The following ABCB4 variants were observed in gnomAD, a reference collection of about 807,000 sequenced individuals.
The protein encoded by ABCB4 is ATP binding cassette subfamily B member 4, also known as phosphatidylcholine translocator ABCB4.
Under a neutral mutation model 145.7 loss-of-function variants are expected in ABCB4, and 76 were observed. The ratio of observed to expected loss-of-function variants is 0.52; its 90% CI spans 0.43 to 0.63. The LOEUF (loss-of-function observed/expected upper bound fraction) is 0.63. Among genes scored for constraint, ABCB4 ranks in the 30% least tolerant of loss-of-function variants. The pLI is 0.00. For missense variants in ABCB4, 1,234 were observed against 1,553.1 expected, an observed-to-expected ratio of 0.79 and a Z score of 3.45; for synonymous variants, 517 against 566.8, an observed-to-expected ratio of 0.91 and a Z score of 1.25.
chr7:87,392,324 C>G, the ABCB4 span, among the ~76,000 whole-genome samples: 2 of 152,092 alleles, frequency 1.3e-5, no homozygotes, highest in Non-Finnish European at 2.9e-5. Context: ...GTTAGTGTCA[C>G]TTCAGTGCTG....
At chr7:87,395,554 T>A in the ABCB4 span, among the ~76,000 whole-genome samples, 1 of 152,342 alleles carries the variant, frequency 6.6e-6, no homozygotes, top group Non-Finnish European at 1.5e-5. Flanking sequence ...TGATCAGGAC[T>A]GCCTTTGTCT....
In ABCB4 at chr7:87,462,510, T is replaced by C. The variant is rs2302385; in HGVS notation, c.286+248A>G. On this transcript the variant is annotated intron_variant, in intron 4 of 27. Transcript: ENST00000649586. ...CAAGTAGAGTGACTTCCTTACTTTA[T>C]TTAGAAGCTTCCTGTGTATTTCCTT... Among the ~76,000 whole-genome samples the C allele has an allele frequency of 0.19, 28,351 of 152,152 alleles. 3,011 individuals carry two copies. Among genetic ancestry groups the C allele is most frequent in the African/African-American group, 0.29 (12,083 of 41,480 alleles).
At chr7:87,466,023 C>T (rs1584789390) in intron 3 of ABCB4, among the ~76,000 whole-genome samples, 1 of 152,164 alleles carries the variant, frequency 6.6e-6, no homozygotes, top group African/African-American at 2.4e-5. Context: ...CAGCTCCTCA[C>T]CAGCAATGGA....
Position 87,440,190 on chromosome 7 carries a change from A to G in ABCB4, c.1560+9T>C, listed in dbSNP as rs1397527667. 1 of 1,612,536 alleles carries G rather than the reference A, an allele frequency of 6.2e-7. No individual in the cohort carries two copies. The highest frequency in any genetic ancestry group is 8.5e-7 in the Non-Finnish European group (1 of 1,178,556). ...ATTTCAAGGACAACTACTTTATCAG[A>G]GGCTTTACCTGTGGTAATTTCATGA... On this transcript the variant is annotated intron_variant, in intron 13 of 27. Transcript: ENST00000649586.
At chr7:87,400,641 C>A (rs559452082), downstream of ABCB4, among the ~76,000 whole-genome samples, 77 of 152,306 alleles carry the variant, frequency 5.1e-4, no homozygotes, top group African/African-American at 1.7e-3. Flanking sequence ...TTTATAAATA[C>A]AGGTTGAACA....
rs768236469 is a variant in ABCB4 at position 87,402,125 on chromosome 7, T to C, written c.3811A>G (p.Ser1271Gly). 1 of 1,614,108 alleles carries C rather than the reference T, an allele frequency of 6.2e-7. No homozygotes were observed. Among genetic ancestry groups the C allele is most frequent in the Non-Finnish European group, 8.5e-7 (1 of 1,180,034 alleles). The change falls in exon 28 of 28, where the codon AGT (serine) becomes GGT (glycine). Residue 1271 changes from serine (S) to glycine (G), a missense_variant. Ser to Gly is a moderately conservative substitution (Grantham distance 56). Transcript: ENST00000649586. ...AAGTTCTGTGTCCCAGCCTGGACAC[T>C]GACCATTGAAAAATAGATGCCTTTC... ...AQKGIYFSMV[S>G]VQAGTQNL
At chr7:87,418,696 C>T in intron 19 of ABCB4, 76 bp from the exon 20 acceptor site, 1 of 1,433,358 alleles carries the variant, frequency 7.0e-7, no homozygotes, top group Non-Finnish European at 9.8e-7. Context: ...CCTCCCAAAG[C>T]TCCAATGCTG....
chr7:87,475,720 C>T, upstream of ABCB4: 2 of 394,794 alleles, frequency 5.1e-6, no homozygotes, highest in Non-Finnish European at 9.0e-6. Context: ...GCGGCCTCGC[C>T]CCCGCCCCCG....
intron 14 of ABCB4, among the ~76,000 whole-genome samples, chr7:87,438,845 G>T (rs1810787694): frequency 6.6e-6 from 1 of 152,168 alleles, no homozygotes; most frequent in South Asian, 2.1e-4. Context: ...GTTAACTTAG[G>T]ATTCAGATAT....
chr7:87,430,812 C>A (rs753593334), intron 15 of ABCB4, among the ~76,000 whole-genome samples: 1 of 152,200 alleles, frequency 6.6e-6, no homozygotes, highest in Non-Finnish European at 1.5e-5. Context: ...CAGGCATGAG[C>A]CACTGCACCT....
intron 26 of ABCB4, among the ~76,000 whole-genome samples, chr7:87,405,244 T>C (rs1808098927): frequency 6.6e-6 from 1 of 152,088 alleles, no homozygotes; most frequent in African/African-American, 2.4e-5. Context: ...CAAAAGTTAA[T>C]CCCAAAAGTT....
In ABCB4 at chr7:87,462,876, A is replaced by G; in HGVS notation, c.168T>C (p.Phe56=). 6.2e-7 allele frequency: 1 copy of G among 1,613,966 alleles called. No homozygotes were observed. Among genetic ancestry groups the G allele is most frequent in the South Asian group, 1.1e-5 (1 of 91,060 alleles). The change falls in exon 4 of 28, where the codon TTT becomes TTC. Residue 56 remains phenylalanine (F), a synonymous_variant. Transcript: ENST00000649586. ...TGGCCATGATGGTACCCAGCGACAT[A>G]AACAATTTATCCTGCCAATCGGAGT... ...FRYSDWQDKL[F]MSLGTIMAIA... is the part of the protein sequence containing the mutation.
intron 23 of ABCB4, among the ~76,000 whole-genome samples, chr7:87,410,226 A>G (rs908134720): frequency 6.6e-6 from 1 of 152,190 alleles, no homozygotes; most frequent in Non-Finnish European, 1.5e-5. Flanking sequence ...TTCACAAAGC[A>G]ATTTACTTCT....
intron 4 of ABCB4, among the ~76,000 whole-genome samples, chr7:87,457,929 C>T (rs554919420): frequency 6.6e-6 from 1 of 152,232 alleles, no homozygotes; most frequent in South Asian, 2.1e-4. Flanking sequence ...TATCCATCAC[C>T]TCAAGCATCT....
the ABCB4 span, chr7:87,369,521 A>G: frequency 1.4e-6 from 2 of 1,385,878 alleles, no homozygotes; most frequent in Non-Finnish European, 1.0e-6. Context: ...ATTAGGTCTT[A>G]TGGTGTTGCT....
chr7:87,472,799 A>C, intron 2 of ABCB4, 124 bp from the exon 3 acceptor site: 11 of 757,668 alleles, frequency 1.5e-5, no homozygotes, highest in Non-Finnish European at 2.4e-5. Flanking sequence ...TGATGTTCAC[A>C]AAATGTCAAA....
intron 4 of ABCB4, among the ~76,000 whole-genome samples, chr7:87,457,654 T>A (rs1812185691): frequency 6.6e-6 from 1 of 152,208 alleles, no homozygotes; most frequent in African/African-American, 2.4e-5. Flanking sequence ...TCCAGACACT[T>A]TACACAAATC....
intron 14 of ABCB4, among the ~76,000 whole-genome samples, chr7:87,432,963 A>G (rs946289672): frequency 2.0e-5 from 3 of 152,240 alleles, no homozygotes; most frequent in African/African-American, 7.2e-5. Context: ...AGATATTAGC[A>G]TATAAAAAGC....
At chr7:87,438,882 T>G (rs1393131217) in intron 14 of ABCB4, among the ~76,000 whole-genome samples, 1 of 152,202 alleles carries the variant, frequency 6.6e-6, no homozygotes, top group Non-Finnish European at 1.5e-5. Context: ...ATAAGGTTCG[T>G]GCAGCTTGTC....
Sources: gnomAD v4.1 joint callset for allele counts (sites outside exome capture counted in the v4.1 genomes callset) on GRCh38, gnomAD v4.1.1 for gene constraint, MANE v1.5 for transcripts, NCBI Gene and HGNC (gene_info 2026-07-23, HGNC 2026-07-21) for gene names.